MTA3: variants seen among roughly 807,000 people sequenced by gnomAD.
MTA3 encodes metastasis-associated protein MTA3.
Under a neutral mutation model 83.5 loss-of-function variants are expected in MTA3, and 34 were observed. That is an observed-to-expected ratio of 0.41 (90% CI 0.31 to 0.54). The LOEUF (loss-of-function observed/expected upper bound fraction) is 0.54, where lower values mean the gene tolerates loss of function less well. Ranked by LOEUF, MTA3 falls within the 20% of genes least tolerant of loss-of-function variation. The probability of loss-of-function intolerance (pLI) is 0.33; values close to 1 mark genes in which losing one functional copy is unlikely to be tolerated. For synonymous variants in MTA3, 303 were observed against 252.7 expected (o/e 1.20, Z -1.89); for missense variants, 761 against 726.4 (o/e 1.05, Z -0.55).
chr2:42,537,335 G>A (rs1012489506), intron 2 of MTA3, among the ~76,000 whole-genome samples: 8 of 151,988 alleles, frequency 5.3e-5, no homozygotes, highest in South Asian at 4.2e-4. Context: ...AGGCCAAGGC[G>A]GGCAGATCAC....
chr2:42,546,746 A>G (rs987526495), intron 2 of MTA3, among the ~76,000 whole-genome samples: 1 of 152,212 alleles, frequency 6.6e-6, no homozygotes, highest in African/African-American at 2.4e-5. Flanking sequence ...GCATGTTGCA[A>G]GACTGCACCC....
chr2:42,692,373 G>GAATT, intron 9 of MTA3, among the ~76,000 whole-genome samples: 3 of 125,942 alleles, frequency 2.4e-5, no homozygotes, highest in African/African-American at 9.2e-5. Context: ...CCTTCTGTCT[G>GAATT]TCATCTTGAA....
At chr2:42,525,080 G>A (rs1254369156) in intron 2 of MTA3, among the ~76,000 whole-genome samples, 1 of 151,486 alleles carries the variant, frequency 6.6e-6, no homozygotes, top group Non-Finnish European at 1.5e-5. Context: ...TTAGCGTTAG[G>A]TATATCTCCT....
At chr2:42,571,910 G>A (rs1678529674) in intron 2 of MTA3, among the ~76,000 whole-genome samples, 1 of 150,632 alleles carries the variant, frequency 6.6e-6, no homozygotes, top group Non-Finnish European at 1.5e-5. Flanking sequence ...TCACGCCATT[G>A]CACTCCAGCC....
In MTA3 at chr2:42,704,277, C is replaced by T. The variant is rs1406626429; in HGVS notation, c.1109C>T (p.Pro370Leu). Reference protein sequence around the residue: ...VNGAVGTTFQPQNPLLGRACE... With the variant: ...VNGAVGTTFQLQNPLLGRACE... The stretch of plus-strand genomic sequence containing the variant: ...GGAGCTGTGGGGACCACGTTCCAGC[C>T]TCAGAATCCTCTCTTAGGGAGAGCC... The change falls in exon 12 of 17, where the codon CCT (proline) becomes CTT (leucine). Residue 370 changes from proline to leucine, a missense_variant. Physicochemically the swap from Pro to Leu is moderately conservative, Grantham distance 98. Transcript: ENST00000405094. The T allele has an allele frequency of 6.2e-7, 1 of 1,613,840 alleles. No individual in the cohort carries two copies. The highest frequency in any genetic ancestry group is 1.3e-5 in the African/African-American group (1 of 74,914).
intron 6 of MTA3, among the ~76,000 whole-genome samples, chr2:42,651,418 A>C (rs1048230253): frequency 3.3e-5 from 5 of 152,184 alleles, no homozygotes; most frequent in African/African-American, 7.2e-5. Context: ...AAAACACTTA[A>C]ATATAAACAC....
chr2:42,756,540 A>G lies in MTA3; in HGVS notation c.*3141A>G. The G allele has an allele frequency of 1.0e-6, 1 of 985,544 alleles. No individual in the cohort carries two copies. Among genetic ancestry groups the G allele is most frequent in the Non-Finnish European group, 1.2e-6 (1 of 830,194 alleles). 61.0% of individuals were successfully genotyped at this position (985,544 alleles called of 1,614,324 possible). The stretch of plus-strand genomic sequence containing the variant: ...GGTGTTTATGCCCCACTGCTGTCCT[A>G]AGTCCCTGGCGAGGGGAGGTGGAGG... On this transcript the variant is annotated 3_prime_UTR_variant, in exon 17 of 17. Transcript: ENST00000405094.
chr2:42,515,489 G>GTATTT (rs1044202513), intron 2 of MTA3, among the ~76,000 whole-genome samples: 26 of 151,844 alleles, frequency 1.7e-4, no homozygotes, highest in African/African-American at 6.0e-4. Context: ...CAGCTTCTGT[G>GTATTT]TATTTTATTT....
At chr2:42,588,404 G>A (rs978319084) in intron 3 of MTA3, among the ~76,000 whole-genome samples, 1 of 152,172 alleles carries the variant, frequency 6.6e-6, no homozygotes. Flanking sequence ...TGCCCTTAGA[G>A]CTTATAAAGG....
chr2:42,511,087 G>T (rs1674876444), intron 2 of MTA3, among the ~76,000 whole-genome samples: 1 of 152,088 alleles, frequency 6.6e-6, no homozygotes, highest in Non-Finnish European at 1.5e-5. Context: ...CTCCCACTAT[G>T]TTCAGTGCTG....
intron 3 of MTA3, among the ~76,000 whole-genome samples, chr2:42,586,625 T>C (rs1460069273): frequency 6.8e-6 from 1 of 147,802 alleles, no homozygotes. Flanking sequence ...CATCGTTGGC[T>C]GGGCACTGTG....
At chr2:42,676,912 GCT>G (rs1284457097) in intron 8 of MTA3, among the ~76,000 whole-genome samples, 4 of 152,116 alleles carry the variant, frequency 2.6e-5, no homozygotes, top group Admixed American at 6.5e-5. Flanking sequence ...GTCCCTAAAT[GCT>G]ATTGATCTTT....
At chr2:42,547,046 C>G (rs1001789219) in intron 2 of MTA3, among the ~76,000 whole-genome samples, 1 of 152,190 alleles carries the variant, frequency 6.6e-6, no homozygotes, top group African/African-American at 2.4e-5. Context: ...CCCCCCACTA[C>G]TCTCTGATGA....
intron 16 of MTA3, among the ~76,000 whole-genome samples, chr2:42,746,017 T>G (rs1669387730): frequency 6.6e-6 from 1 of 151,778 alleles, no homozygotes. Context: ...TTTCACCATG[T>G]TAGCCAGGAT....
intron 3 of MTA3, among the ~76,000 whole-genome samples, chr2:42,593,944 G>T (rs915401310): frequency 2.5e-5 from 3 of 122,378 alleles, no homozygotes; most frequent in Admixed American, 1.0e-4. Flanking sequence ...TACCAGTATA[G>T]GATTAAGTTT....
chr2:42,512,919 C>T (rs553598956), intron 2 of MTA3, among the ~76,000 whole-genome samples: 2 of 152,282 alleles, frequency 1.3e-5, no homozygotes, highest in African/African-American at 2.4e-5. Context: ...CATTCTGAGA[C>T]ATCCTCTACT....
At chr2:42,551,560 A>G (rs970570997) in intron 2 of MTA3, among the ~76,000 whole-genome samples, 2 of 152,120 alleles carry the variant, frequency 1.3e-5, no homozygotes, top group South Asian at 2.1e-4. Context: ...ACAGACAGAC[A>G]TGCCTCTTCT....
intron 2 of MTA3, among the ~76,000 whole-genome samples, chr2:42,555,129 G>A (rs1423410681): frequency 6.6e-6 from 1 of 151,902 alleles, no homozygotes; most frequent in Non-Finnish European, 1.5e-5. Flanking sequence ...ACTCCAGCCT[G>A]GGTGACAACT....
intron 12 of MTA3, 32 bp downstream of exon 12, chr2:42,704,350 C>A (rs558209399): frequency 6.2e-7 from 1 of 1,611,888 alleles, no homozygotes; most frequent in South Asian, 1.1e-5. Context: ...AGTTAAGCAT[C>A]GGGAACTGTT....
Sources: gnomAD v4.1 joint callset for allele counts (sites outside exome capture counted in the v4.1 genomes callset) on GRCh38, gnomAD v4.1.1 for gene constraint, MANE v1.5 for transcripts, NCBI Gene and HGNC (gene_info 2026-07-23, HGNC 2026-07-21) for gene names.